Variants in TMEM223 observed in about 807,000 individuals in gnomAD.
TMEM223 encodes the protein transmembrane protein 223.
Under a neutral mutation model 14.1 loss-of-function variants are expected in TMEM223, and 14 were observed. The ratio of observed to expected loss-of-function variants is 0.99; its 90% CI spans 0.66 to 1.55. The LOEUF is 1.55. Ranked by LOEUF, TMEM223 falls within the 40% of genes most tolerant of loss-of-function variation. TMEM223 has a pLI of 0.00. For synonymous variants in TMEM223, 145 were observed against 120.5 expected (o/e 1.20, Z -1.33); for missense variants, 346 against 269.9 (o/e 1.28, Z -1.97).
At chr11:62,786,732 G>A (rs2084281454), downstream of TMEM223, 2 of 1,613,038 alleles carry the variant, frequency 1.2e-6, no homozygotes, top group Non-Finnish European at 8.5e-7. Context: ...CTCTTTCGGT[G>A]ACCCTGGCCG....
At chr11:62,788,056 C>G (rs1354773649), downstream of TMEM223, 1 of 451,984 alleles carries the variant, frequency 2.2e-6, no homozygotes, top group Non-Finnish European at 4.5e-6. Flanking sequence ...AACATGGGTT[C>G]ATTTAATGCC....
downstream of TMEM223, chr11:62,787,579 A>G (rs1285436153): frequency 7.5e-6 from 11 of 1,469,484 alleles, no homozygotes; most frequent in Admixed American, 5.0e-5. Flanking sequence ...CGGTCTGGAC[A>G]TGGCGAGGCC....
chr11:62,775,700 G>A, intron 1 of TMEM223: 2 of 1,472,594 alleles, frequency 1.4e-6, no homozygotes, highest in South Asian at 2.6e-5. Flanking sequence ...TGGTGTGGAG[G>A]GTGTTGGATC....
downstream of TMEM223, chr11:62,782,643 G>C: frequency 6.2e-7 from 1 of 1,601,010 alleles, no homozygotes; most frequent in African/African-American, 1.3e-5. Context: ...GTGCCCTGTT[G>C]GGTGGCACCA....
chr11:62,775,762 C>G, intron 1 of TMEM223: 1 of 1,594,696 alleles, frequency 6.3e-7, no homozygotes, highest in Non-Finnish European at 8.5e-7. Flanking sequence ...CTTCATTCTC[C>G]ACTCCCAGCT....
downstream of TMEM223, chr11:62,786,527 A>G: frequency 6.4e-7 from 1 of 1,553,806 alleles, no homozygotes; most frequent in Non-Finnish European, 8.7e-7. Context: ...GTGGCGGTAG[A>G]GCGACTGCTG....
Position 62,776,039 on chromosome 11 carries a change from C to A in TMEM223, c.315-1374G>T. 5 of 1,340,080 alleles carry A rather than the reference C, an allele frequency of 3.7e-6. No homozygotes were observed. The Middle Eastern group carries it at 5.7e-4, about 151-fold the overall frequency. The allele number at this position is 1,340,080 out of a possible 1,614,324, so 83.0% of individuals were successfully genotyped here. A position where few individuals can be genotyped will look rare whatever the true frequency, so the allele number is the denominator to read the frequency against. On this transcript the variant is annotated intron_variant, in intron 1 of 2. Transcript: ENST00000528367. ...GTGTACACTGGGTGCCTGCTCCATA[C>A]AACAGAGACAGTCCATGCCTTTACA...
chr11:62,775,832 G>A (rs202243049), intron 1 of TMEM223: 56 of 1,613,098 alleles, frequency 3.5e-5, no homozygotes, highest in Non-Finnish European at 4.5e-5. Flanking sequence ...TCGGGAGTCT[G>A]TCCGGCTCAT....
chr11:62,775,884 C>A (rs200288910), intron 1 of TMEM223: 1 of 1,613,848 alleles, frequency 6.2e-7, no homozygotes, highest in African/African-American at 1.3e-5. Context: ...GAGGTGGCGG[C>A]GCTGCTCGCA....
chr11:62,778,152 G>A (rs2084200997), intron 1 of TMEM223: 1 of 1,614,050 alleles, frequency 6.2e-7, no homozygotes, highest in African/African-American at 1.3e-5. Flanking sequence ...TCCTGCATGG[G>A]TTGGGGATGG....
intron 1 of TMEM223, chr11:62,782,084 C>G: frequency 6.3e-7 from 1 of 1,591,354 alleles, no homozygotes; most frequent in Non-Finnish European, 8.6e-7. Context: ...CCCCTCATGT[C>G]CCTGTAAGCT....
intron 1 of TMEM223, chr11:62,782,080 A>T (rs770395511): frequency 6.3e-7 from 1 of 1,590,980 alleles, no homozygotes; most frequent in East Asian, 2.2e-5. Context: ...CTGTCCCCTC[A>T]TGTCCCTGTA....
downstream of TMEM223, among the ~76,000 whole-genome samples, chr11:62,788,399 CGCAAAA>C (rs1445885107): frequency 2.7e-5 from 4 of 150,574 alleles, no homozygotes; most frequent in Non-Finnish European, 5.9e-5. Context: ...GAATCTCCAT[CGCAAAA>C]ACAAAAACAA....
chr11:62,789,605 T>G (rs1318293814), downstream of TMEM223: 1 of 1,547,804 alleles, frequency 6.5e-7, no homozygotes. Context: ...TCACAGCTGT[T>G]CTGAAGCCCA....
chr11:62,784,780 C>T (rs947989652), downstream of TMEM223, among the ~76,000 whole-genome samples: 7 of 152,020 alleles, frequency 4.6e-5, no homozygotes, highest in Admixed American at 1.3e-4. Flanking sequence ...ATGGGATAGT[C>T]GTAAAGAAAA....
downstream of TMEM223, among the ~76,000 whole-genome samples, chr11:62,784,839 TCTG>T (rs1192297300): frequency 6.6e-6 from 1 of 152,180 alleles, no homozygotes; most frequent in Non-Finnish European, 1.5e-5. Flanking sequence ...TACTTGTGGG[TCTG>T]CTAAATTTTA....
chr11:62,783,235 C>A (rs1412796625), downstream of TMEM223, among the ~76,000 whole-genome samples: 1 of 152,186 alleles, frequency 6.6e-6, no homozygotes, highest in Non-Finnish European at 1.5e-5. Context: ...GTAATCCCAG[C>A]ACTTTGGGAG....
At position 62,790,873 on chromosome 11, in the gene TMEM223, G is replaced by T. The variant is rs2084353165; in HGVS notation, c.359C>A (p.Ser120Tyr). Residue 120 changes from serine (S) to tyrosine (Y), a missense_variant, in exon 2 of 2, where the codon TCT (serine) becomes TAT (tyrosine). Physicochemically the swap from Ser to Tyr is moderately radical, Grantham distance 144. Coordinates refer to ENST00000307366, the MANE Select transcript of TMEM223 (RefSeq NM_001080501.3). ...LGAGLLFSLR[S>Y]VRSVVLRAGG... ...AGCTCGAAGCACCACTGAGCGCACA[G>T]ACCGGAGAGAGAAGAGAAGACCAGC... 5 of 1,602,278 alleles carry T rather than the reference G, an allele frequency of 3.1e-6. No homozygotes were observed. Among genetic ancestry groups the T allele is most frequent in the Non-Finnish European group, 4.3e-6 (5 of 1,173,256 alleles).
intron 1 of TMEM223, among the ~76,000 whole-genome samples, chr11:62,791,420 G>C (rs1310600062): frequency 1.3e-5 from 2 of 152,076 alleles, no homozygotes; most frequent in African/African-American, 4.8e-5. Flanking sequence ...ACCACGCCCA[G>C]CTAATTTTTT....
Sources: gnomAD v4.1 joint callset for allele counts (sites outside exome capture counted in the v4.1 genomes callset) on GRCh38, gnomAD v4.1.1 for gene constraint, MANE v1.5 for transcripts, NCBI Gene and HGNC (gene_info 2026-07-23, HGNC 2026-07-21) for gene names.